The following PCSK6 variants were observed in gnomAD, a reference collection of about 807,000 sequenced individuals.
PCSK6 encodes paired basic amino acid cleaving enzyme 4.
A neutral mutation model predicts 123.3 loss-of-function variants in PCSK6; 85 were observed. The ratio of observed to expected loss-of-function variants is 0.69; its 90% CI spans 0.58 to 0.83. The LOEUF (loss-of-function observed/expected upper bound fraction) is 0.83. Ranked by LOEUF, PCSK6 falls within the 40% of genes least tolerant of loss-of-function variation. PCSK6 has a pLI of 0.00. For synonymous variants in PCSK6, 508 were observed against 516.0 expected, an observed-to-expected ratio of 0.98 and a Z score of 0.21; for missense variants, 1,191 against 1,282.3, an observed-to-expected ratio of 0.93 and a Z score of 1.09.
chr15:101,363,323 C>T (rs576509746), intron 13 of PCSK6, among the ~76,000 whole-genome samples: 49 of 152,290 alleles, frequency 3.2e-4, no homozygotes, highest in Non-Finnish European at 6.0e-4. Context: ...ATGGTGTGCC[C>T]GGTTTCCAGG....
intron 1 of PCSK6, among the ~76,000 whole-genome samples, chr15:101,483,343 G>A (rs1397837050): frequency 1.3e-5 from 2 of 152,206 alleles, no homozygotes; most frequent in Admixed American, 6.5e-5. Context: ...CAAATGAATC[G>A]TGCAGGCTCA....
intron 18 of PCSK6, among the ~76,000 whole-genome samples, chr15:101,322,078 A>G (rs2040137320): frequency 6.6e-6 from 1 of 152,242 alleles, no homozygotes. Context: ...AGGGAGAACC[A>G]GGAACGTAAA....
At chr15:101,440,093 C>T (rs774080837) in intron 2 of PCSK6, among the ~76,000 whole-genome samples, 12 of 152,188 alleles carry the variant, frequency 7.9e-5, no homozygotes, top group South Asian at 6.2e-4. Flanking sequence ...GATTGGTCGA[C>T]GCTTCTGTAA....
At chr15:101,366,170 T>C (rs1297858444) in intron 13 of PCSK6, 26 bp downstream of exon 13, 1 of 1,601,486 alleles carries the variant, frequency 6.2e-7, no homozygotes, top group Non-Finnish European at 8.5e-7. Context: ...ACAAAAGCTG[T>C]CATGAGATTC....
chr15:101,413,689 C>G (rs1398581699), intron 6 of PCSK6, among the ~76,000 whole-genome samples: 1 of 152,144 alleles, frequency 6.6e-6, no homozygotes, highest in Non-Finnish European at 1.5e-5. Flanking sequence ...GAAGAGAGGA[C>G]TTGAAATGTT....
At chr15:101,385,705 T>G (rs1464204737) in intron 9 of PCSK6, among the ~76,000 whole-genome samples, 2 of 152,244 alleles carry the variant, frequency 1.3e-5, no homozygotes, top group African/African-American at 4.8e-5. Context: ...TTAAATGCTA[T>G]GCAACCTGGA....
chr15:101,434,497 G>A (rs2056539309), intron 2 of PCSK6, among the ~76,000 whole-genome samples: 1 of 152,216 alleles, frequency 6.6e-6, no homozygotes, highest in Non-Finnish European at 1.5e-5. Context: ...GAAGAGCCTG[G>A]GCATCCCGGC....
chr15:101,414,912 A>G (rs2055833420), intron 6 of PCSK6, among the ~76,000 whole-genome samples: 1 of 152,232 alleles, frequency 6.6e-6, no homozygotes, highest in Admixed American at 6.5e-5. Flanking sequence ...CATGCTGCTT[A>G]TAAAACCAAC....
intron 13 of PCSK6, among the ~76,000 whole-genome samples, chr15:101,348,923 C>T (rs2040819490): frequency 1.3e-5 from 2 of 152,236 alleles, no homozygotes; most frequent in Admixed American, 1.3e-4. Context: ...CTGCTCCTCT[C>T]ACTCAAGTCG....
intron 1 of PCSK6, among the ~76,000 whole-genome samples, chr15:101,453,981 G>C (rs2057106628): frequency 6.6e-6 from 1 of 152,214 alleles, no homozygotes; most frequent in Admixed American, 6.5e-5. Context: ...ACTACACTGA[G>C]CACCCAAGGC....
Position 101,313,405 on chromosome 15 carries a change from C to A in PCSK6, c.2670G>T (p.Met890Ile). 6.2e-7 allele frequency: 1 copy of A among 1,612,782 alleles called. No homozygotes were observed. The highest frequency in any genetic ancestry group is 8.5e-7 in the Non-Finnish European group (1 of 1,179,864). ...GACACACTTTGTGGGGCAAGCCCGG[C>A]ATCTCTTCTGGGTAGAAGCCCTCAC... The part of the protein sequence containing the change: ...ACGEGFYPEE[M>I]PGLPHKVCRR... The change falls in exon 20 of 22, where the codon ATG (methionine) becomes ATT (isoleucine). Residue 890 changes from methionine (M) to isoleucine (I), a missense_variant. By Grantham distance (10) the Met-to-Ile change is conservative. This residue lies in a region of PCSK6 where 630 missense variants were observed against 631.4 expected (regional missense o/e 1.00). Coordinates refer to ENST00000611716, the MANE Select transcript of PCSK6 (RefSeq NM_002570.5).
intron 5 of PCSK6, among the ~76,000 whole-genome samples, chr15:101,429,651 C>G (rs753923958): frequency 6.6e-6 from 1 of 152,248 alleles, no homozygotes; most frequent in Non-Finnish European, 1.5e-5. Context: ...AAACTGCTGT[C>G]TTCACACAGC....
In PCSK6 at chr15:101,464,071, G is replaced by A. The variant is rs143456231; in HGVS notation, c.298-20411C>T. Among the ~76,000 whole-genome samples, 1,371 of 152,142 alleles carry A rather than the reference G, an allele frequency of 9.0e-3. 13 individuals carry two copies. Among genetic ancestry groups the A allele is most frequent in the Middle Eastern group, 0.027 (8 of 292 alleles). On this transcript the variant is annotated intron_variant, in intron 1 of 21. Coordinates refer to ENST00000611716, the MANE Select transcript of PCSK6 (RefSeq NM_002570.5). ...CAGGGAAGACAGTGGTTTTGGCAGC[G>A]AACTCTCACCCACCATCTGCAGAGA... is the stretch of plus-strand genomic sequence containing the variant.
At chr15:101,366,832 A>C (rs2041410666) in intron 12 of PCSK6, among the ~76,000 whole-genome samples, 1 of 152,328 alleles carries the variant, frequency 6.6e-6, no homozygotes, top group South Asian at 2.1e-4. Context: ...TTGTTTGTGC[A>C]AGAATGAAAC....
chr15:101,346,424 T>C (rs972162315), intron 13 of PCSK6: 3 of 157,458 alleles, frequency 1.9e-5, no homozygotes, highest in African/African-American at 7.2e-5. Context: ...GCTATGCAAG[T>C]AACAAAAAGA....
chr15:101,463,383 G>A (rs577696283), intron 1 of PCSK6, among the ~76,000 whole-genome samples: 1 of 152,258 alleles, frequency 6.6e-6, no homozygotes, highest in African/African-American at 2.4e-5. Flanking sequence ...CCTTCCAGGT[G>A]CCATCAACAT....
intron 11 of PCSK6, among the ~76,000 whole-genome samples, chr15:101,378,307 G>C (rs1002794843): frequency 6.6e-6 from 1 of 152,204 alleles, no homozygotes; most frequent in Non-Finnish European, 1.5e-5. Flanking sequence ...CCCAGGAGTA[G>C]GTCGACGTGC....
At chr15:101,320,850 G>A (rs1195881815) in intron 18 of PCSK6, among the ~76,000 whole-genome samples, 3 of 152,236 alleles carry the variant, frequency 2.0e-5, no homozygotes, top group Non-Finnish European at 4.4e-5. Flanking sequence ...GATGCGTCTG[G>A]AGTTTGCACG....
At chr15:101,486,000 G>C (rs1379164488) in intron 1 of PCSK6, among the ~76,000 whole-genome samples, 1 of 92,064 alleles carries the variant, frequency 1.1e-5, no homozygotes, top group South Asian at 3.6e-4. Flanking sequence ...TTTCACTCTT[G>C]TCGCCCAGGC....
Sources: allele counts gnomAD v4.1 joint callset (sites outside exome capture counted in the v4.1 genomes callset), GRCh38; gene constraint gnomAD v4.1.1; regional missense constraint gnomAD v4.1.1; transcripts MANE v1.5; gene names NCBI Gene and HGNC (gene_info 2026-07-23, HGNC 2026-07-21).